The following UBE3A variants were observed in gnomAD, a reference collection of about 807,000 sequenced individuals.
UBE3A encodes ubiquitin-protein ligase E3A.
In UBE3A, 6 loss-of-function variants were observed where a neutral mutation model predicts 83.4. That is an observed-to-expected ratio of 0.07 (90% CI 0.04 to 0.14). The LOEUF (loss-of-function observed/expected upper bound fraction) is 0.14, where lower values mean the gene tolerates loss of function less well. Ranked by LOEUF, UBE3A falls within the 10% of genes least tolerant of loss-of-function variation. The probability of loss-of-function intolerance (pLI) is 1.00; values close to 1 mark genes in which losing one functional copy is unlikely to be tolerated. For synonymous variants in UBE3A, 337 were observed against 355.4 expected, an observed-to-expected ratio of 0.95 and a Z score of 0.58; for missense variants, 456 against 1,036.1, an observed-to-expected ratio of 0.44 and a Z score of 7.69.
intron 4 of UBE3A, among the ~76,000 whole-genome samples, chr15:25,404,209 ATTTAAAT>A: frequency 6.6e-6 from 1 of 152,134 alleles, no homozygotes; most frequent in Admixed American, 6.5e-5. Context: ...ATATACCGGC[ATTTAAAT>A]AAGGTTCCAA....
intron 4 of UBE3A, among the ~76,000 whole-genome samples, chr15:25,397,102 C>T (rs1160389284): frequency 6.6e-6 from 1 of 152,168 alleles, no homozygotes; most frequent in Admixed American, 6.5e-5. Context: ...ACCCACTCAC[C>T]TCACTGAAAG....
At chr15:25,348,448 A>C (rs2076038878) in intron 11 of UBE3A, among the ~76,000 whole-genome samples, 1 of 152,176 alleles carries the variant, frequency 6.6e-6, no homozygotes, top group South Asian at 2.1e-4. Context: ...AAAATGAGGA[A>C]TAAAGTAAGA....
Position 25,371,596 on chromosome 15 carries a change from G to C in UBE3A, c.578C>G (p.Ala193Gly), listed in dbSNP as rs2080300076. The C allele has an allele frequency of 6.2e-7, 1 of 1,614,084 alleles. No individual in the cohort carries two copies. Among genetic ancestry groups the C allele is most frequent in the Non-Finnish European group, 8.5e-7 (1 of 1,180,006 alleles). The change falls in exon 6 of 13, where the codon GCT (alanine) becomes GGT (glycine). Residue 193 changes from alanine to glycine, a missense_variant. Ala to Gly is a moderately conservative substitution (Grantham distance 60). This residue lies in a region of UBE3A where 42 missense variants were observed against 41.8 expected (regional missense o/e 1.00). Transcript: ENST00000648336. The surrounding 1 kb of genome is among the most constrained non-coding windows in gnomAD (Gnocchi z 5.3). Reference sequence around the variant, plus strand: ...TTCCATAGCAGCAGCAGAACATGCAGCTTTTTCCTTTTCATCTTCATCTTT... The same window carrying C: ...TTCCATAGCAGCAGCAGAACATGCACCTTTTTCCTTTTCATCTTCATCTTT... ...EDKDEDEKEK[A>G]ACSAAAMEED...
intron 3 of UBE3A, 98 bp from the exon 4 acceptor site, chr15:25,405,600 T>C: frequency 7.8e-7 from 1 of 1,286,036 alleles, no homozygotes; most frequent in Non-Finnish European, 1.1e-6. Flanking sequence ...AAACAAGATT[T>C]AAGCACTAAA....
rs1894288627 is a variant in UBE3A, at chr15:25,434,086, T to C, written c.-165+4403A>G. Among the ~76,000 whole-genome samples the C allele has an allele frequency of 2.0e-5, 3 of 151,824 alleles. 1 individual carries two copies. In the South Asian group the frequency reaches 6.3e-4, roughly 32 times the overall value. ...CTAAACAAATAAACAATAAGTAAAA[T>C]AAACAAAAAGAAAATGCTAACTTTA... On this transcript the variant is annotated intron_variant, in intron 1 of 12. Transcript: ENST00000648336.
chr15:25,402,338 C>T (rs1241854168), intron 4 of UBE3A, among the ~76,000 whole-genome samples: 1 of 152,222 alleles, frequency 6.6e-6, no homozygotes, highest in Non-Finnish European at 1.5e-5. Context: ...TAGAGTGAGC[C>T]TGAACCTTGG....
At chr15:25,429,156 C>T (rs1892296212) in intron 1 of UBE3A, among the ~76,000 whole-genome samples, 2 of 152,186 alleles carry the variant, frequency 1.3e-5, no homozygotes. Flanking sequence ...ACCAACACCA[C>T]ATATCACTTA....
chr15:25,422,705 T>C (rs1890180701), intron 1 of UBE3A, among the ~76,000 whole-genome samples: 1 of 151,580 alleles, frequency 6.6e-6, no homozygotes, highest in Admixed American at 6.6e-5. Flanking sequence ...CCAGGTATAG[T>C]AGCTCATGCC....
chr15:25,371,368 G>A lies in UBE3A; in HGVS notation c.806C>T (p.Thr269Met), dbSNP rs1459066021. ...YLSPNVECDL[T>M]YHNVYSRDPN... Reference sequence around the variant, plus strand: ...ATCTCGAGAGTATACATTGTGATACGTCAAGTCACATTCCACGTTAGGTGA... The same window carrying A: ...ATCTCGAGAGTATACATTGTGATACATCAAGTCACATTCCACGTTAGGTGA... The change falls in exon 6 of 13, where the codon ACG (threonine) becomes ATG (methionine). Residue 269 changes from threonine (T) to methionine (M), a missense_variant. Thr to Met is a moderately conservative substitution (Grantham distance 81, BLOSUM62 -1). Transcript: ENST00000648336. The surrounding 1 kb of genome is among the most constrained non-coding windows in gnomAD (Gnocchi z 5.3). 27 of 1,613,838 alleles carry A rather than the reference G, an allele frequency of 1.7e-5. No individual in the cohort carries two copies. Among genetic ancestry groups the A allele is most frequent in the East Asian group, 6.7e-5 (3 of 44,874 alleles).
chr15:25,393,482 T>C (rs1249627248), intron 4 of UBE3A, among the ~76,000 whole-genome samples: 3 of 152,236 alleles, frequency 2.0e-5, no homozygotes, highest in Non-Finnish European at 4.4e-5. Flanking sequence ...TTATTTTTGT[T>C]AATCTCTTTT....
Position 25,355,961 on chromosome 15 carries a change from A to G in UBE3A, c.2055T>C (p.Phe685=). ...ITFQISQTDL[F]GNPMMYDLKE... Reference sequence around the variant, plus strand: ...TTAGATCATACATCATTGGGTTACCAAAAAGATCTGTCTGTGATATCTGGA... The same window carrying G: ...TTAGATCATACATCATTGGGTTACCGAAAAGATCTGTCTGTGATATCTGGA... Residue 685 remains phenylalanine, a synonymous_variant, in exon 9 of 13, where the codon TTT becomes TTC. Transcript: ENST00000648336. 6.2e-7 allele frequency: 1 copy of G among 1,613,778 alleles called. No homozygotes were observed. Among genetic ancestry groups the G allele is most frequent in the Non-Finnish European group, 8.5e-7 (1 of 1,179,778 alleles).
intron 4 of UBE3A, among the ~76,000 whole-genome samples, chr15:25,387,785 G>A (rs2083448024): frequency 6.6e-6 from 1 of 152,108 alleles, no homozygotes; most frequent in Admixed American, 6.6e-5. Flanking sequence ...GAAAAGAGTG[G>A]ACATCATTAC....
intron 1 of UBE3A, among the ~76,000 whole-genome samples, chr15:25,431,871 T>C (rs1567200043): frequency 6.6e-6 from 1 of 152,190 alleles, no homozygotes; most frequent in Admixed American, 6.5e-5. Flanking sequence ...TGTAAGATTA[T>C]CAATATTGGT....
At chr15:25,350,907 G>GA (rs1426643512) in intron 11 of UBE3A, among the ~76,000 whole-genome samples, 1 of 152,184 alleles carries the variant, frequency 6.6e-6, no homozygotes, top group African/African-American at 2.4e-5. Context: ...CTGTTCTAAT[G>GA]GGGGATGGAG....
At position 25,371,086 on chromosome 15, in the gene UBE3A, T is replaced by C. The variant is rs1304796231; in HGVS notation, c.1088A>G (p.Asp363Gly). The stretch of plus-strand genomic sequence containing the variant: ...GCACTTCGAAGCAGCAACAATGGCA[T>C]CATCATCATTCACTAGATTTCGACT... Reference protein sequence around the residue: ...FNSRNLVNDDDAIVAASKCLK... With the variant: ...FNSRNLVNDDGAIVAASKCLK... Residue 363 changes from aspartate (D) to glycine (G), a missense_variant, in exon 6 of 13, where the codon GAT becomes GGT. By Grantham distance (94) the Asp-to-Gly change is moderately conservative. Transcript: ENST00000648336. The surrounding 1 kb of genome is among the most constrained non-coding windows in gnomAD (Gnocchi z 5.3). 7 of 1,614,080 alleles carry C rather than the reference T, an allele frequency of 4.3e-6. No homozygotes were observed. Among genetic ancestry groups the C allele is most frequent in the Non-Finnish European group, 5.1e-6 (6 of 1,179,948 alleles).
chr15:25,362,100 T>C (rs1241828066), intron 6 of UBE3A, among the ~76,000 whole-genome samples: 3 of 152,164 alleles, frequency 2.0e-5, no homozygotes, highest in Middle Eastern at 3.2e-3. Context: ...ACCTACTGTT[T>C]TGTGAAACTT....
chr15:25,431,279 A>C (rs1893372205), intron 1 of UBE3A, among the ~76,000 whole-genome samples: 2 of 152,352 alleles, frequency 1.3e-5, no homozygotes, highest in South Asian at 4.1e-4. Context: ...AAGCAGCTTA[A>C]GTAATTAGGA....
At chr15:25,369,222 G>C (rs1859359) in intron 6 of UBE3A, among the ~76,000 whole-genome samples, 2 of 151,508 alleles carry the variant, frequency 1.3e-5, no homozygotes, top group African/African-American at 4.9e-5. Context: ...AAATAAAAAG[G>C]GTACCAGAAA....
At chr15:25,351,799 A>G (rs1384919724) in intron 11 of UBE3A, among the ~76,000 whole-genome samples, 3 of 152,204 alleles carry the variant, frequency 2.0e-5, no homozygotes, top group Non-Finnish European at 4.4e-5. Context: ...GCTTAGAGAC[A>G]TCTTTCCAAA....
Sources: gnomAD v4.1 joint callset for allele counts (sites outside exome capture counted in the v4.1 genomes callset) on GRCh38, gnomAD v4.1.1 for gene constraint, gnomAD v4.1.1 regional missense constraint, Gnocchi (gnomAD v3.1) non-coding constraint, MANE v1.5 for transcripts, NCBI Gene and HGNC (gene_info 2026-07-23, HGNC 2026-07-21) for gene names.